The following GRIK2 variants were observed in gnomAD, a reference collection of about 807,000 sequenced individuals.
GRIK2 encodes glutamate ionotropic receptor kainate type subunit 2.
A neutral mutation model predicts 100.3 loss-of-function variants in GRIK2; 32 were observed. That is an observed-to-expected ratio of 0.32 (90% CI 0.24 to 0.43). The LOEUF is 0.43. Ranked by LOEUF, GRIK2 falls within the 20% of genes least tolerant of loss-of-function variation. GRIK2 has a pLI of 1.00. For synonymous variants in GRIK2, 417 were observed against 389.4 expected (o/e 1.07, Z -0.83); for missense variants, 843 against 1,114.9 (o/e 0.76, Z 3.47).
At chr6:101,798,060 A>G (rs1237113591) in intron 7 of GRIK2, among the ~76,000 whole-genome samples, 1 of 145,542 alleles carries the variant, frequency 6.9e-6, no homozygotes, top group Admixed American at 6.8e-5. Flanking sequence ...TTTTTTTTCT[A>G]AAAACAAAAC....
intron 1 of GRIK2, among the ~76,000 whole-genome samples, chr6:101,395,209 T>C (rs1269926113): frequency 1.3e-5 from 2 of 152,202 alleles, no homozygotes; most frequent in Non-Finnish European, 2.9e-5. Context: ...CTCTGAGATC[T>C]TTAATGCCAT....
chr6:101,847,283 A>T (rs987351059), intron 10 of GRIK2, among the ~76,000 whole-genome samples: 4 of 152,018 alleles, frequency 2.6e-5, no homozygotes, highest in African/African-American at 7.2e-5. Flanking sequence ...AGTTTCTATT[A>T]ATTTCTTTGT....
intron 7 of GRIK2, among the ~76,000 whole-genome samples, chr6:101,760,576 AAT>A (rs1491330441): frequency 1.4e-5 from 1 of 73,326 alleles, no homozygotes; most frequent in Non-Finnish European, 2.1e-5. Flanking sequence ...ATATTTAATT[AAT>A]TATATATAAT....
chr6:101,802,930 G>T (rs1780762589), intron 9 of GRIK2, among the ~76,000 whole-genome samples: 2 of 151,794 alleles, frequency 1.3e-5, no homozygotes, highest in East Asian at 3.9e-4. Flanking sequence ...ATACCACACT[G>T]GATCTATCTT....
intron 7 of GRIK2, among the ~76,000 whole-genome samples, chr6:101,785,496 T>C (rs1779364496): frequency 6.6e-6 from 1 of 152,216 alleles, no homozygotes; most frequent in Admixed American, 6.5e-5. Flanking sequence ...TTTTTGTATA[T>C]GATGAGAGAT....
chr6:101,653,511 C>T (rs1781916170), intron 4 of GRIK2, among the ~76,000 whole-genome samples: 3 of 152,136 alleles, frequency 2.0e-5, no homozygotes, highest in South Asian at 2.1e-4. Flanking sequence ...TCATTACTAA[C>T]GTCTTTGTGC....
At chr6:101,939,784 C>T (rs186843147) in intron 14 of GRIK2, among the ~76,000 whole-genome samples, 1 of 151,952 alleles carries the variant, frequency 6.6e-6, no homozygotes, top group Non-Finnish European at 1.5e-5. Context: ...AAATAAAAAC[C>T]CAGCCTGACT....
At chr6:101,779,303 T>A (rs1488249073) in intron 7 of GRIK2, among the ~76,000 whole-genome samples, 1 of 152,170 alleles carries the variant, frequency 6.6e-6, no homozygotes, top group African/African-American at 2.4e-5. Flanking sequence ...TGTTTGTCTG[T>A]TACACATTCC....
At chr6:101,485,624 A>G (rs1772779803) in intron 2 of GRIK2, among the ~76,000 whole-genome samples, 2 of 152,196 alleles carry the variant, frequency 1.3e-5, no homozygotes, top group African/African-American at 4.8e-5. Flanking sequence ...TTTGCACCAT[A>G]AATATTAGTA....
At chr6:101,521,532 C>T (rs184410171) in intron 2 of GRIK2, among the ~76,000 whole-genome samples, 331 of 151,908 alleles carry the variant, frequency 2.2e-3, no homozygotes, top group Middle Eastern at 6.9e-3. Flanking sequence ...TCTGTTTCCA[C>T]AATAATTATA....
chr6:101,487,801 G>C (rs1772907220), intron 2 of GRIK2, among the ~76,000 whole-genome samples: 1 of 145,882 alleles, frequency 6.9e-6, no homozygotes, highest in African/African-American at 2.6e-5. Context: ...TCAAACTATT[G>C]GTCTTCATGG....
At chr6:101,729,660 A>G (rs780248775) in intron 7 of GRIK2, among the ~76,000 whole-genome samples, 2 of 151,682 alleles carry the variant, frequency 1.3e-5, no homozygotes, top group Admixed American at 6.6e-5. Flanking sequence ...GCTTTAGTTT[A>G]CTGATCACTG....
intron 10 of GRIK2, among the ~76,000 whole-genome samples, chr6:101,821,231 T>C (rs1371152444): frequency 6.6e-6 from 1 of 152,142 alleles, no homozygotes. Context: ...GTATTCAGTG[T>C]TATTTTTTGA....
chr6:101,981,720 A>G (rs1049175601), intron 14 of GRIK2, among the ~76,000 whole-genome samples: 22 of 151,978 alleles, frequency 1.4e-4, no homozygotes, highest in African/African-American at 5.3e-4. Flanking sequence ...AAGGCCTTGC[A>G]TGAGAGAAAA....
intron 7 of GRIK2, among the ~76,000 whole-genome samples, chr6:101,689,139 T>C (rs1337769204): frequency 6.6e-6 from 1 of 152,038 alleles, no homozygotes; most frequent in Non-Finnish European, 1.5e-5. Flanking sequence ...ACCATGAATA[T>C]AGTCAGCAAA....
chr6:101,513,996 A>G (rs575605389), intron 2 of GRIK2, among the ~76,000 whole-genome samples: 3 of 152,228 alleles, frequency 2.0e-5, no homozygotes, highest in South Asian at 4.1e-4. Flanking sequence ...AACAAAATAG[A>G]CAAATTGCTT....
At chr6:101,507,011 C>T (rs1774057722) in intron 2 of GRIK2, among the ~76,000 whole-genome samples, 2 of 152,066 alleles carry the variant, frequency 1.3e-5, no homozygotes, top group Admixed American at 1.3e-4. Context: ...AGTTTGGAGG[C>T]AGTTAAGACC....
intron 10 of GRIK2, among the ~76,000 whole-genome samples, chr6:101,838,231 T>C (rs989172767): frequency 2.0e-5 from 3 of 152,246 alleles, no homozygotes; most frequent in East Asian, 1.9e-4. Context: ...ATAAGTTTAC[T>C]TCATTTTGGA....
intron 14 of GRIK2, among the ~76,000 whole-genome samples, chr6:101,935,152 C>T (rs1434981522): frequency 1.3e-5 from 2 of 151,806 alleles, no homozygotes; most frequent in Non-Finnish European, 2.9e-5. Flanking sequence ...AATAATTTTC[C>T]ACCACTATCC....
Sources: allele counts gnomAD v4.1 joint callset (sites outside exome capture counted in the v4.1 genomes callset), GRCh38; gene constraint gnomAD v4.1.1; transcripts MANE v1.5; gene names NCBI Gene and HGNC (gene_info 2026-07-23, HGNC 2026-07-21).